ABCB4: variants seen among roughly 807,000 people sequenced by gnomAD.
The protein encoded by ABCB4 is ATP binding cassette subfamily B member 4, also known as phosphatidylcholine translocator ABCB4.
Under a neutral mutation model 145.7 loss-of-function variants are expected in ABCB4, and 76 were observed. That is an observed-to-expected ratio of 0.52 (90% CI 0.43 to 0.63). ABCB4 has a LOEUF of 0.63. Among genes scored for constraint, ABCB4 ranks in the 30% least tolerant of loss-of-function variants. The pLI is 0.00. For missense variants in ABCB4, 1,234 were observed against 1,553.1 expected, an observed-to-expected ratio of 0.79 and a Z score of 3.45; for synonymous variants, 517 against 566.8, an observed-to-expected ratio of 0.91 and a Z score of 1.25.
chr7:87,412,123 A>T, intron 22 of ABCB4, 90 bp from the exon 23 acceptor site: 2 of 1,420,386 alleles, frequency 1.4e-6, no homozygotes, highest in South Asian at 1.2e-5. Context: ...AGTCTGGCCG[A>T]GTGGGTTTAA....
intron 26 of ABCB4, among the ~76,000 whole-genome samples, chr7:87,403,979 G>T (rs540300251): frequency 1.3e-5 from 2 of 152,316 alleles, no homozygotes; most frequent in East Asian, 3.9e-4. Flanking sequence ...TATGAATAGA[G>T]ATGTAAATTG....
intron 14 of ABCB4, 58 bp from the exon 15 acceptor site, chr7:87,431,623 C>A: frequency 6.2e-7 from 1 of 1,600,600 alleles, no homozygotes; most frequent in Non-Finnish European, 8.6e-7. Context: ...TGTCAATTAA[C>A]ATGCACAGTT....
chr7:87,462,831 G>T lies in ABCB4; in HGVS notation c.213C>A (p.Leu71=), dbSNP rs768453965. 3.1e-6 allele frequency: 5 copies of T among 1,613,650 alleles called. No individual in the cohort carries two copies. The Admixed American group carries it at 5.0e-5, about 16-fold the overall frequency. The stretch of plus-strand genomic sequence containing the variant: ...CTCCAAATACTATCATCATGAGGGG[G>T]AGACCTGATCCGTGAGCTATGGCCA... The part of the protein sequence containing the change: ...TIMAIAHGSG[L]PLMMIVFGEM... The change falls in exon 4 of 28, where the codon CTC becomes CTA. Residue 71 remains leucine (L), a synonymous_variant. Transcript: ENST00000649586.
chr7:87,471,051 A>G (rs1813353601), intron 3 of ABCB4, among the ~76,000 whole-genome samples: 1 of 152,196 alleles, frequency 6.6e-6, no homozygotes, highest in South Asian at 2.1e-4. Flanking sequence ...AAAAATGATG[A>G]GTTCATGTCC....
At chr7:87,369,189 G>C in the ABCB4 span, among the ~76,000 whole-genome samples, 2 of 152,144 alleles carry the variant, frequency 1.3e-5, no homozygotes, top group Non-Finnish European at 2.9e-5. Flanking sequence ...CAAGTGTCAG[G>C]AGTATGTATT....
At chr7:87,462,958 T>C in intron 3 of ABCB4, 50 bp from the exon 4 acceptor site, 1 of 1,509,512 alleles carries the variant, frequency 6.6e-7, no homozygotes, top group East Asian at 2.3e-5. Context: ...GAATTTCTCC[T>C]CTTCCATAAT....
intron 14 of ABCB4, among the ~76,000 whole-genome samples, chr7:87,431,996 C>G (rs1462939585): frequency 6.6e-6 from 1 of 152,158 alleles, no homozygotes; most frequent in African/African-American, 2.4e-5. Context: ...TTTTTAAGAG[C>G]CTGATCTTAA....
chr7:87,397,803 C>CT (rs1001129584), downstream of ABCB4, among the ~76,000 whole-genome samples: 2 of 152,158 alleles, frequency 1.3e-5, no homozygotes, highest in African/African-American at 4.8e-5. Context: ...ATAATTTACT[C>CT]TTTTTTTAAG....
At chr7:87,444,799 A>C in intron 10 of ABCB4, 63 bp downstream of exon 10, 1 of 1,277,036 alleles carries the variant, frequency 7.8e-7, no homozygotes. Context: ...ATGCAAACTA[A>C]AGCCAGATTT....
intron 8 of ABCB4, among the ~76,000 whole-genome samples, chr7:87,448,239 G>A (rs532336996): frequency 1.3e-5 from 2 of 151,834 alleles, no homozygotes; most frequent in African/African-American, 2.4e-5. Flanking sequence ...ATGACACTTC[G>A]AGGGGAAAAT....
the ABCB4 span, chr7:87,375,726 G>A: frequency 1.2e-6 from 2 of 1,613,274 alleles, no homozygotes; most frequent in South Asian, 2.2e-5. Flanking sequence ...ATGGGCTAAG[G>A]TTCTGATTTA....
chr7:87,391,740 C>A, the ABCB4 span: 15 of 1,595,000 alleles, frequency 9.4e-6, no homozygotes, highest in Non-Finnish European at 1.3e-5. Context: ...AAAAAACTCA[C>A]AAGATTTGTT....
At chr7:87,366,086 A>T in the ABCB4 span, among the ~76,000 whole-genome samples, 2 of 152,100 alleles carry the variant, frequency 1.3e-5, no homozygotes, top group Admixed American at 1.3e-4. Flanking sequence ...CATTGCTCTG[A>T]TCTACCCTCA....
At chr7:87,389,752 C>T in the ABCB4 span, among the ~76,000 whole-genome samples, 2 of 152,214 alleles carry the variant, frequency 1.3e-5, no homozygotes, top group South Asian at 2.1e-4. Flanking sequence ...GCACATGTAT[C>T]CCAGAACTTT....
intron 14 of ABCB4, among the ~76,000 whole-genome samples, chr7:87,431,893 AAG>A (rs1308263585): frequency 2.0e-5 from 3 of 152,188 alleles, no homozygotes; most frequent in Non-Finnish European, 4.4e-5. Context: ...CCCTAGCTCT[AAG>A]TTATATGGAA....
In ABCB4 at chr7:87,466,146, C is replaced by G. The variant is rs147583625; in HGVS notation, c.136-3238G>C. Among the ~76,000 whole-genome samples the G allele has an allele frequency of 3.5e-3, 538 of 152,084 alleles. 2 individuals carry two copies. The highest frequency in any genetic ancestry group is 0.013 in the African/African-American group (520 of 41,490). ...AACCCATGGCAAAGAAGTTAAAAAC[C>G]TAGAAAAAAGAATAGATGAATGGCT... On this transcript the variant is annotated intron_variant, in intron 3 of 27. Transcript: ENST00000649586.
the ABCB4 span, chr7:87,392,882 A>G: frequency 2.5e-6 from 4 of 1,610,686 alleles, no homozygotes; most frequent in Non-Finnish European, 2.5e-6. Context: ...TGTATATTAA[A>G]TGGTTTTTAG....
Position 87,443,733 on chromosome 7 carries a change from G to C in ABCB4, c.1160C>G (p.Pro387Arg). 6.2e-7 allele frequency: 1 copy of C among 1,613,892 alleles called. No homozygotes were observed. Among genetic ancestry groups the C allele is most frequent in the African/African-American group, 1.3e-5 (1 of 75,014 alleles). The stretch of plus-strand genomic sequence containing the variant: ...CTCCAAATTCCCTTTGATGCTGTCT[G>C]GTTTGTGTCCTCTCTCTGAAAAACT... Reference protein sequence around the residue: ...IDSFSERGHKPDSIKGNLEFN... With the variant: ...IDSFSERGHKRDSIKGNLEFN... The change falls in exon 11 of 28, where the codon CCA (proline) becomes CGA (arginine). Residue 387 changes from proline to arginine, a missense_variant. Transcript: ENST00000649586.
intron 2 of ABCB4, among the ~76,000 whole-genome samples, chr7:87,475,036 T>C (rs544981160): frequency 1.3e-5 from 2 of 152,256 alleles, no homozygotes; most frequent in African/African-American, 2.4e-5. Context: ...GTCTGAACAA[T>C]CAGATGATGT....
Sources: allele counts gnomAD v4.1 joint callset (sites outside exome capture counted in the v4.1 genomes callset), GRCh38; gene constraint gnomAD v4.1.1; transcripts MANE v1.5; gene names NCBI Gene and HGNC (gene_info 2026-07-23, HGNC 2026-07-21).